The following OR2A14 variants were observed in gnomAD, a reference collection of about 807,000 sequenced individuals.
OR2A14 encodes the protein olfactory receptor family 2 subfamily A member 14.
OR2A14 carries 2 observed loss-of-function variants against 2.4 expected under a neutral mutation model. The ratio of observed to expected loss-of-function variants is 0.85; its 90% confidence interval spans 0.35 to 2.67. The LOEUF is 2.67. Among genes scored for constraint, OR2A14 ranks in the 30% most tolerant of loss-of-function variants. OR2A14 has a pLI of 0.10. For synonymous variants in OR2A14, 160 were observed against 156.3 expected (o/e 1.02, Z -0.18); for missense variants, 390 against 379.4 (o/e 1.03, Z -0.23).
Position 144,129,562 on chromosome 7 carries a change from CA to C in OR2A14, c.451del (p.Ser151AlafsTer9). ...TVLAVASWVF[S>X]FLLALVPLVL... ...TCCTGGCTGTGGCTTCCTGGGTGTT[CA>C]GCTTCCTCCTGGCTCTGGTCCCTTT... On this transcript the variant is annotated frameshift_variant, in exon 2 of 2. Transcript: ENST00000641068. LOFTEE classifies it low-confidence loss of function (END_TRUNC). 6.2e-7 allele frequency: 1 copy of C among 1,614,126 alleles called. No individual in the cohort carries two copies. Among genetic ancestry groups the C allele is most frequent in the East Asian group, 2.2e-5 (1 of 44,876 alleles).
chr7:144,126,412 T>A (rs978474270), intron 1 of OR2A14, among the ~76,000 whole-genome samples: 1 of 152,202 alleles, frequency 6.6e-6, no homozygotes. Context: ...ACTCACCAAG[T>A]GCATCTTGTT....
At chr7:144,125,954 G>C (rs1240237903) in intron 1 of OR2A14, among the ~76,000 whole-genome samples, 1 of 152,150 alleles carries the variant, frequency 6.6e-6, no homozygotes, top group Non-Finnish European at 1.5e-5. Context: ...CCTTGGAACA[G>C]TAGGAGCACA....
At chr7:144,126,869 C>T (rs2051485918) in intron 1 of OR2A14, among the ~76,000 whole-genome samples, 1 of 152,082 alleles carries the variant, frequency 6.6e-6, no homozygotes, top group Non-Finnish European at 1.5e-5. Flanking sequence ...ACCCCTTCCC[C>T]ACCTCCAAAT....
At position 144,129,718 on chromosome 7, in the gene OR2A14, C is replaced by A. The variant is rs571103587; in HGVS notation, c.606C>A (p.Cys202Ter). Residue 202 changes from cysteine (C) to a stop codon, truncating the protein, a stop_gained, in exon 2 of 2, where the codon TGC becomes TGA. Coordinates refer to ENST00000641068, the MANE Select transcript of OR2A14 (RefSeq NM_001001659.3). LOFTEE classifies it high-confidence loss of function. ...ACCAGGTGGTCATCTTTGCAGCCTG[C>A]GTGTTCATCCTGGTGGGGCCACTCT... ...WLNQVVIFAA[C>*]VFILVGPLCL... The A allele has an allele frequency of 1.9e-6, 3 of 1,614,108 alleles. No individual in the cohort carries two copies. Among genetic ancestry groups the A allele is most frequent in the Non-Finnish European group, 2.5e-6 (3 of 1,180,022 alleles).
chr7:144,124,626 C>A (rs543798551), intron 1 of OR2A14, among the ~76,000 whole-genome samples: 1 of 152,142 alleles, frequency 6.6e-6, no homozygotes, highest in African/African-American at 2.4e-5. Context: ...CATTCTAAGA[C>A]AATTTTCAAT....
Position 144,129,154 on chromosome 7 carries a change from G to C in OR2A14, c.42G>C (p.Pro14=). The change falls in exon 2 of 2, where the codon CCG becomes CCC. Residue 14 remains proline, a synonymous_variant. Coordinates refer to ENST00000641068, the MANE Select transcript of OR2A14 (RefSeq NM_001001659.3). ...NKTWITDITL[P]RFQVGPALEI... Reference sequence around the variant, plus strand: ...CATGGATCACAGACATCACCTTGCCGCGATTCCAGGTTGGTCCAGCACTGG... The same window carrying C: ...CATGGATCACAGACATCACCTTGCCCCGATTCCAGGTTGGTCCAGCACTGG... 6.2e-7 allele frequency: 1 copy of C among 1,612,238 alleles called. No individual in the cohort carries two copies. The highest frequency in any genetic ancestry group is 1.4e-5 in the African/African-American group (1 of 73,358).
In OR2A14 at chr7:144,130,352, T is replaced by C. The variant is rs977830480; in HGVS notation, c.*307T>C. On this transcript the variant is annotated 3_prime_UTR_variant, in exon 2 of 2. Coordinates refer to ENST00000641068, the MANE Select transcript of OR2A14 (RefSeq NM_001001659.3). ...AAAGTCACCATTAAGAAAGAAGAAA[T>C]GCAAGCCACAAACCAAGTGATCGTA... The C allele has an allele frequency of 1.5e-5, 3 of 206,174 alleles. No homozygotes were observed. Among genetic ancestry groups the C allele is most frequent in the Non-Finnish European group, 3.0e-5 (3 of 101,402 alleles). The allele number at this position is 206,174 out of a possible 1,614,324, so 12.8% of individuals were successfully genotyped here.
In OR2A14 at chr7:144,129,100, T is replaced by C. The variant is rs867558884; in HGVS notation, c.-13T>C. ...ACAGCTCTGACCTTCCTGTCCTAGA[T>C]GTCCACAAGAGCATGGAAGGCAACA... On this transcript the variant is annotated 5_prime_UTR_variant, in exon 2 of 2. An upstream start codon of the reference 5' UTR is lost. Coordinates refer to ENST00000641068, the MANE Select transcript of OR2A14 (RefSeq NM_001001659.3). The C allele has an allele frequency of 3.1e-6, 5 of 1,605,102 alleles. No homozygotes were observed. In the Middle Eastern group the frequency reaches 5.0e-4, roughly 160 times the overall value.
Position 144,129,492 on chromosome 7 carries a change from A to G in OR2A14, c.380A>G (p.His127Arg), listed in dbSNP as rs1477187492. ...MSYDRYADIC[H>R]PLRYNSLMSW... ...TATGATCGCTATGCGGACATCTGCCACCCCTTACGTTACAATAGCCTCATG... is the reference window on the plus strand; with the variant it reads ...TATGATCGCTATGCGGACATCTGCCGCCCCTTACGTTACAATAGCCTCATG... Residue 127 changes from histidine (H) to arginine (R), a missense_variant, in exon 2 of 2, where the codon CAC (histidine) becomes CGC (arginine). By Grantham distance (29) the His-to-Arg change is conservative. Coordinates refer to ENST00000641068, the MANE Select transcript of OR2A14 (RefSeq NM_001001659.3). 1.9e-6 allele frequency: 3 copies of G among 1,613,942 alleles called. No homozygotes were observed. Among genetic ancestry groups the G allele is most frequent in the African/African-American group, 1.3e-5 (1 of 74,884 alleles).
At position 144,129,367 on chromosome 7, in the gene OR2A14, G is replaced by A. The variant is rs765345033; in HGVS notation, c.255G>A (p.Met85Ile). 15 of 1,614,190 alleles carry A rather than the reference G, an allele frequency of 9.3e-6. 1 individual carries two copies. The highest frequency in any genetic ancestry group is 6.6e-5 in the South Asian group (6 of 91,080). Residue 85 changes from methionine to isoleucine, a missense_variant, in exon 2 of 2, where the codon ATG becomes ATA. Transcript: ENST00000641068. Reference sequence around the variant, plus strand: ...TCCCCAAGATGCTGACGAATCTTATGAACCAGGAAAGCACCATCTCCTTTT... The same window carrying A: ...TCCCCAAGATGCTGACGAATCTTATAAACCAGGAAAGCACCATCTCCTTTT... ...NYVPKMLTNL[M>I]NQESTISFFP... is the part of the protein sequence containing the mutation.
chr7:144,126,030 G>A (rs910228191), intron 1 of OR2A14, among the ~76,000 whole-genome samples: 1 of 152,096 alleles, frequency 6.6e-6, no homozygotes, highest in African/African-American at 2.4e-5. Context: ...TGTGCTTGGA[G>A]GTCTCAGGGA....
intron 1 of OR2A14, among the ~76,000 whole-genome samples, chr7:144,127,533 T>C (rs1322426380): frequency 6.6e-6 from 1 of 152,028 alleles, no homozygotes; most frequent in South Asian, 2.1e-4. Context: ...AAATAAGAAA[T>C]AAACAAAAAT....
rs199549254 is a variant in OR2A14, at chr7:144,129,437, G to A, written c.325G>A (p.Val109Ile). The A allele has an allele frequency of 1.0e-4, 169 of 1,613,976 alleles. 1 individual carries two copies. In the African/African-American group the frequency reaches 1.5e-3, roughly 15 times the overall value. The change falls in exon 2 of 2, where the codon GTA becomes ATA. Residue 109 changes from valine to isoleucine, a missense_variant. Physicochemically the swap from Val to Ile is conservative, Grantham distance 29. Coordinates refer to ENST00000641068, the MANE Select transcript of OR2A14 (RefSeq NM_001001659.3). ...ATTCTTGTATTTGGCTTTTGCTCACGTAGAGTGTCTGATTTTGGTGGTGAT... is the reference window on the plus strand; with the variant it reads ...ATTCTTGTATTTGGCTTTTGCTCACATAGAGTGTCTGATTTTGGTGGTGAT... ...QTFLYLAFAH[V>I]ECLILVVMSY... is the part of the protein sequence containing the mutation.
rs1348857159 is a variant in OR2A14, at chr7:144,129,903, G to A, written c.791G>A (p.Arg264His). The change falls in exon 2 of 2, where the codon CGC (arginine) becomes CAC (histidine). Residue 264 changes from arginine to histidine, a missense_variant. Coordinates refer to ENST00000641068, the MANE Select transcript of OR2A14 (RefSeq NM_001001659.3). ...GTCACGTACATGGCCCCCAAGTCCCGCCATCCTGAGGAGCAGCAGAAAGTT... is the reference window on the plus strand; with the variant it reads ...GTCACGTACATGGCCCCCAAGTCCCACCATCCTGAGGAGCAGCAGAAAGTT... ...AIVTYMAPKS[R>H]HPEEQQKVLS... 3.7e-6 allele frequency: 6 copies of A among 1,614,180 alleles called. No individual in the cohort carries two copies. Among genetic ancestry groups the A allele is most frequent in the Middle Eastern group, 1.6e-4 (1 of 6,062 alleles).
rs200213514 is a variant in OR2A14, at chr7:144,129,139, A to G, written c.27A>G (p.Thr9=). 2 of 1,613,910 alleles carry G rather than the reference A, an allele frequency of 1.2e-6. No individual in the cohort carries two copies. The highest frequency in any genetic ancestry group is 1.7e-6 in the Non-Finnish European group (2 of 1,179,838). The change falls in exon 2 of 2, where the codon ACA becomes ACG. Residue 9 remains threonine, a synonymous_variant. Transcript: ENST00000641068. MEGNKTWI[T]DITLPRFQVG... Reference sequence around the variant, plus strand: ...TGGAAGGCAACAAGACATGGATCACAGACATCACCTTGCCGCGATTCCAGG... The same window carrying G: ...TGGAAGGCAACAAGACATGGATCACGGACATCACCTTGCCGCGATTCCAGG...
chr7:144,123,973 A>T (rs1275100277), intron 1 of OR2A14, among the ~76,000 whole-genome samples: 1 of 152,062 alleles, frequency 6.6e-6, no homozygotes, highest in Admixed American at 6.6e-5. Flanking sequence ...TATCTAAAAA[A>T]CCTAAGTTCT....
chr7:144,127,125 T>C (rs2051487345), intron 1 of OR2A14, among the ~76,000 whole-genome samples: 2 of 152,228 alleles, frequency 1.3e-5, no homozygotes, highest in Admixed American at 1.3e-4. Flanking sequence ...TTCTTTATAA[T>C]CTGCCTCCCT....
rs767730530 is a variant in OR2A14 at position 144,129,595 on chromosome 7, C to T, written c.483C>T (p.Leu161=). 1.2e-6 allele frequency: 2 copies of T among 1,613,176 alleles called. No individual in the cohort carries two copies. Among genetic ancestry groups the T allele is most frequent in the Non-Finnish European group, 1.7e-6 (2 of 1,179,858 alleles). The change falls in exon 2 of 2, where the codon CTC becomes CTT. Residue 161 remains leucine (L), a synonymous_variant. Transcript: ENST00000641068. ...TCCTGGCTCTGGTCCCTTTAGTTCT[C>T]ATCCTGAGCCTGCCCTTCTGCGGGC... ...SFLLALVPLV[L]ILSLPFCGPH...
chr7:144,129,291 T>C lies in OR2A14; in HGVS notation c.179T>C (p.Phe60Ser). 6.2e-7 allele frequency: 1 copy of C among 1,614,230 alleles called. No homozygotes were observed. The highest frequency in any genetic ancestry group is 8.5e-7 in the Non-Finnish European group (1 of 1,180,038). The part of the protein sequence containing the change: ...LDCKLHTPMY[F>S]FLSHLAIVDI... ...TGTAAGCTTCACACACCCATGTACT[T>C]CTTCCTCTCACACCTGGCCATTGTT... Residue 60 changes from phenylalanine to serine, a missense_variant, in exon 2 of 2, where the codon TTC becomes TCC. Phe to Ser is a radical substitution (Grantham distance 155, BLOSUM62 -2). Coordinates refer to ENST00000641068, the MANE Select transcript of OR2A14 (RefSeq NM_001001659.3).
Sources: allele counts gnomAD v4.1 joint callset (sites outside exome capture counted in the v4.1 genomes callset), GRCh38; gene constraint gnomAD v4.1.1; transcripts MANE v1.5; gene names NCBI Gene and HGNC (gene_info 2026-07-23, HGNC 2026-07-21).